The following TRMT9B variants were observed in gnomAD, a reference collection of about 807,000 sequenced individuals.
The protein encoded by TRMT9B is tRNA methyltransferase 9B (putative), also known as probable tRNA methyltransferase 9B.
TRMT9B carries 16 observed loss-of-function variants against 11.5 expected under a neutral mutation model. That is an observed-to-expected ratio of 1.39 (90% CI 0.94 to 2.11). The LOEUF is 2.11. Ranked by LOEUF, TRMT9B falls within the 30% of genes most tolerant of loss-of-function variation. The probability of loss-of-function intolerance (pLI) is 0.00; values close to 1 mark genes in which losing one functional copy is unlikely to be tolerated. For synonymous variants in TRMT9B, 274 were observed against 192.4 expected, an observed-to-expected ratio of 1.42 and a Z score of -3.51; for missense variants, 941 against 553.8, an observed-to-expected ratio of 1.70 and a Z score of -7.02.
At chr8:12,958,010 A>G (rs1201471818) in intron 1 of TRMT9B, among the ~76,000 whole-genome samples, 2 of 152,202 alleles carry the variant, frequency 1.3e-5, no homozygotes, top group Admixed American at 6.5e-5. Context: ...TTCCACTTAT[A>G]TAGTATATTA....
intron 4 of TRMT9B, among the ~76,000 whole-genome samples, chr8:13,020,442 A>T (rs2128902323): frequency 6.6e-6 from 1 of 152,316 alleles, no homozygotes; most frequent in East Asian, 1.9e-4. Flanking sequence ...TTAAATAGAC[A>T]CAACTATTTT....
At chr8:12,974,092 G>A (rs1175837361) in intron 1 of TRMT9B, among the ~76,000 whole-genome samples, 3 of 152,092 alleles carry the variant, frequency 2.0e-5, no homozygotes, top group African/African-American at 4.8e-5. Context: ...GATGGCTTGA[G>A]CCCAGGAATT....
intron 4 of TRMT9B, among the ~76,000 whole-genome samples, chr8:13,020,256 T>A (rs1285777365): frequency 1.1e-4 from 16 of 152,184 alleles, no homozygotes; most frequent in Admixed American, 6.5e-4. Context: ...TTTGAAGTTT[T>A]CTCTTGACAC....
intron 2 of TRMT9B, among the ~76,000 whole-genome samples, chr8:12,995,996 T>C (rs1808266718): frequency 6.6e-6 from 1 of 152,170 alleles, no homozygotes; most frequent in Non-Finnish European, 1.5e-5. Context: ...AAAATTGTCT[T>C]AACGAGTAAC....
At chr8:12,963,909 G>C (rs1452588035) in intron 1 of TRMT9B, among the ~76,000 whole-genome samples, 2 of 152,206 alleles carry the variant, frequency 1.3e-5, no homozygotes, top group African/African-American at 2.4e-5. Flanking sequence ...ATGGGTTCTA[G>C]TCCTTGCTCC....
chr8:12,999,860 T>G (rs984934541), intron 2 of TRMT9B, among the ~76,000 whole-genome samples: 1 of 152,180 alleles, frequency 6.6e-6, no homozygotes, highest in African/African-American at 2.4e-5. Context: ...AAAAGTAGGA[T>G]GCAAAACTGT....
chr8:12,981,607 T>TA lies in TRMT9B; in HGVS notation c.-199-9227_-199-9226insA, dbSNP rs982562261. 6.2e-4 allele frequency among the ~76,000 whole-genome samples: 94 copies of TA among 152,138 alleles called. 1 individual carries two copies. The highest frequency in any genetic ancestry group is 1.9e-3 in the African/African-American group (78 of 41,494). ...TCTTTCTTTTATTTATTTATTTATTTTTTTTTGATAGAAACAGGGTCTCGC... is the reference window on the plus strand; with the variant it reads ...TCTTTCTTTTATTTATTTATTTATTTATTTTTTGATAGAAACAGGGTCTCGC... On this transcript the variant is annotated intron_variant, in intron 1 of 4. Transcript: ENST00000524591.
chr8:12,983,036 C>T (rs575949838), intron 1 of TRMT9B, among the ~76,000 whole-genome samples: 8 of 152,218 alleles, frequency 5.3e-5, no homozygotes, highest in Admixed American at 3.3e-4. Flanking sequence ...CCAAGAGCTG[C>T]GTGCATTACT....
chr8:13,023,649 T>C lies in TRMT9B; in HGVS notation c.*1605T>C, dbSNP rs1814290940. The C allele has an allele frequency of 6.0e-6, 1 of 167,100 alleles. No individual in the cohort carries two copies. Among genetic ancestry groups the C allele is most frequent in the Non-Finnish European group, 1.5e-5 (1 of 68,110 alleles). 10.4% of individuals were successfully genotyped at this position (167,100 alleles called of 1,614,324 possible). On this transcript the variant is annotated 3_prime_UTR_variant, in exon 5 of 5. Transcript: ENST00000524591. ...TCAAGTAGTTCATTAATGAGAAAATTGACATCTGACAAGAGTCTTTTTACT... is the reference window on the plus strand; with the variant it reads ...TCAAGTAGTTCATTAATGAGAAAATCGACATCTGACAAGAGTCTTTTTACT...
At chr8:12,968,300 G>A (rs936762631) in intron 1 of TRMT9B, among the ~76,000 whole-genome samples, 2 of 152,210 alleles carry the variant, frequency 1.3e-5, no homozygotes, top group Non-Finnish European at 2.9e-5. Context: ...TGATGGGGAT[G>A]AGGTCAAGAA....
At chr8:12,963,726 G>A (rs201757398) in intron 1 of TRMT9B, among the ~76,000 whole-genome samples, 17 of 152,330 alleles carry the variant, frequency 1.1e-4, no homozygotes, top group East Asian at 3.9e-4. Context: ...TCCAGCCTGC[G>A]CAGCAGAAGA....
intron 1 of TRMT9B, among the ~76,000 whole-genome samples, chr8:12,969,291 C>G (rs1017723089): frequency 2.6e-5 from 4 of 152,294 alleles, no homozygotes; most frequent in Admixed American, 1.3e-4. Context: ...GTCTCTGGGA[C>G]AGTGCTAGCT....
chr8:12,969,559 T>TA, intron 1 of TRMT9B, among the ~76,000 whole-genome samples: 1 of 152,374 alleles, frequency 6.6e-6, no homozygotes. Flanking sequence ...TGCAATAACC[T>TA]AATACAATGT....
intron 2 of TRMT9B, among the ~76,000 whole-genome samples, chr8:13,005,667 T>C (rs1447989811): frequency 6.6e-6 from 1 of 152,192 alleles, no homozygotes; most frequent in South Asian, 2.1e-4. Flanking sequence ...AAGCATTGAA[T>C]GGCAAGAGAA....
At chr8:13,010,783 A>G (rs919048117) in intron 3 of TRMT9B, 1 of 983,236 alleles carries the variant, frequency 1.0e-6, no homozygotes, top group Non-Finnish European at 1.2e-6. Context: ...TTTTCTTAAA[A>G]TAGGACCATC....
chr8:13,016,882 T>C (rs1161992089), intron 4 of TRMT9B, among the ~76,000 whole-genome samples: 4 of 149,902 alleles, frequency 2.7e-5, no homozygotes, highest in Non-Finnish European at 5.9e-5. Flanking sequence ...AATTATACAC[T>C]TTGGGAGACT....
intron 2 of TRMT9B, among the ~76,000 whole-genome samples, chr8:13,003,843 C>G (rs976649930): frequency 2.1e-4 from 31 of 149,718 alleles, no homozygotes; most frequent in African/African-American, 7.4e-4. Flanking sequence ...AACCAAAAAT[C>G]AGGAGAGCGC....
At chr8:13,014,275 C>A (rs1411592705) in intron 4 of TRMT9B, among the ~76,000 whole-genome samples, 1 of 152,170 alleles carries the variant, frequency 6.6e-6, no homozygotes, top group Non-Finnish European at 1.5e-5. Flanking sequence ...ATTGTCTTAG[C>A]CTTTGCAGCC....
chr8:12,953,931 A>C (rs1405200256), intron 1 of TRMT9B, among the ~76,000 whole-genome samples: 1 of 152,046 alleles, frequency 6.6e-6, no homozygotes, highest in African/African-American at 2.4e-5. Flanking sequence ...CTCTGTATAC[A>C]CTCTTTTTCT....
Sources: allele counts gnomAD v4.1 joint callset (sites outside exome capture counted in the v4.1 genomes callset), GRCh38; gene constraint gnomAD v4.1.1; transcripts MANE v1.5; gene names NCBI Gene and HGNC (gene_info 2026-07-23, HGNC 2026-07-21).